DHRS3: variants seen among roughly 807,000 people sequenced by gnomAD.
DHRS3 encodes the protein dehydrogenase/reductase 3, also known as short-chain dehydrogenase/reductase 3.
Under a neutral mutation model 27.2 loss-of-function variants are expected in DHRS3, and 14 were observed. The ratio of observed to expected loss-of-function variants is 0.52; its 90% CI spans 0.34 to 0.81. The LOEUF is 0.81. Ranked by LOEUF, DHRS3 falls within the 30% of genes least tolerant of loss-of-function variation. The probability of loss-of-function intolerance (pLI) is 0.01; values close to 1 mark genes in which losing one functional copy is unlikely to be tolerated. For missense variants in DHRS3, 322 were observed against 406.2 expected (o/e 0.79, Z 1.78); for synonymous variants, 165 against 175.9 (o/e 0.94, Z 0.49).
chr1:12,607,311 C>T (rs905561686), intron 1 of DHRS3, among the ~76,000 whole-genome samples: 5 of 152,074 alleles, frequency 3.3e-5, no homozygotes, highest in African/African-American at 9.7e-5. Context: ...GCATTGTGTC[C>T]CCACCCAAAT....
intron 5 of DHRS3, chr1:12,569,980 A>G (rs1646521712): frequency 6.6e-6 from 1 of 152,226 alleles, no homozygotes; most frequent in Admixed American, 6.5e-5. Flanking sequence ...AAAACAAATG[A>G]TGGTTAGGTG....
intron 5 of DHRS3, 43 bp downstream of exon 5, chr1:12,572,685 C>G: frequency 6.4e-7 from 1 of 1,555,282 alleles, no homozygotes; most frequent in African/African-American, 1.4e-5. Context: ...AGATCACATG[C>G]GTACTTTCCC....
At position 12,618,035 on chromosome 1, in the gene DHRS3, G is replaced by C. The variant is rs935743612; in HGVS notation, c.-687C>G. The stretch of plus-strand genomic sequence containing the variant: ...CCGGGTGTCAGTTTCTTTACGTGCA[G>C]CGCTCGCCCTCGCGCGCGCTCGCTC... On this transcript the variant is annotated 5_prime_UTR_variant, in exon 1 of 6. Coordinates refer to ENST00000616661, the MANE Select transcript of DHRS3 (RefSeq NM_004753.7). This position sits in a 1 kb window ranked among gnomAD's most constrained non-coding sequence, Gnocchi z 4.2. 6.6e-6 allele frequency among the ~76,000 whole-genome samples: 1 copy of C among 152,042 alleles called. No individual in the cohort carries two copies. The highest frequency in any genetic ancestry group is 2.4e-5 in the African/African-American group (1 of 41,406).
At chr1:12,580,086 G>A (rs564544165) in intron 2 of DHRS3, 10 of 279,802 alleles carry the variant, frequency 3.6e-5, no homozygotes, top group African/African-American at 6.5e-5. Context: ...GGCACACACC[G>A]TACCTGGCAC....
At chr1:12,610,030 A>G (rs759951526) in intron 1 of DHRS3, among the ~76,000 whole-genome samples, 3 of 151,734 alleles carry the variant, frequency 2.0e-5, no homozygotes, top group Non-Finnish European at 4.4e-5. Flanking sequence ...TTCTTGCCTC[A>G]TTGGTTTTCT....
Position 12,608,961 on chromosome 1 carries a change from G to A in DHRS3, c.195+8193C>T, listed in dbSNP as rs958634538. ...CAGCCTGCTCCCTGGATACCTTCCA[G>A]TTGGTCAAGGGCCCTGTCAAAGTGC... On this transcript the variant is annotated intron_variant, in intron 1 of 5. Transcript: ENST00000616661. This position sits in a 1 kb window ranked among gnomAD's most constrained non-coding sequence, Gnocchi z 4.1. Among the ~76,000 whole-genome samples the A allele has an allele frequency of 1.3e-5, 2 of 152,216 alleles. No homozygotes were observed. Among genetic ancestry groups the A allele is most frequent in the Non-Finnish European group, 1.5e-5 (1 of 68,040 alleles).
chr1:12,594,470 T>C lies in DHRS3; in HGVS notation c.196-13804A>G, dbSNP rs1035273824. Among the ~76,000 whole-genome samples, 1 of 152,304 alleles carries C rather than the reference T, an allele frequency of 6.6e-6. No individual in the cohort carries two copies. Among genetic ancestry groups the C allele is most frequent in the Admixed American group, 6.5e-5 (1 of 15,302 alleles). On this transcript the variant is annotated intron_variant, in intron 1 of 5. Coordinates refer to ENST00000616661, the MANE Select transcript of DHRS3 (RefSeq NM_004753.7). This position sits in a 1 kb window ranked among gnomAD's most constrained non-coding sequence, Gnocchi z 4.1. ...AAGTAGTTTTCTAGCCACTAGAAAGTGCTAGATGTGCATGGGAGGAACACA... is the reference window on the plus strand; with the variant it reads ...AAGTAGTTTTCTAGCCACTAGAAAGCGCTAGATGTGCATGGGAGGAACACA...
At chr1:12,573,598 G>A (rs577282154) in intron 4 of DHRS3, among the ~76,000 whole-genome samples, 31 of 152,340 alleles carry the variant, frequency 2.0e-4, no homozygotes, top group African/African-American at 7.2e-4. Context: ...CATTCTGTCT[G>A]GAGGCAGGGG....
intron 1 of DHRS3, among the ~76,000 whole-genome samples, chr1:12,584,579 A>T (rs552485872): frequency 1.3e-5 from 2 of 151,882 alleles, no homozygotes; most frequent in South Asian, 4.2e-4. Flanking sequence ...AATGAATGAC[A>T]GTTCAGGTAC....
At chr1:12,596,602 A>C (rs1370202715) in intron 1 of DHRS3, among the ~76,000 whole-genome samples, 1 of 152,080 alleles carries the variant, frequency 6.6e-6, no homozygotes, top group Non-Finnish European at 1.5e-5. Context: ...CTCAGAGCTG[A>C]GAGCCTGCAC....
chr1:12,575,351 C>T (rs1186347286), intron 4 of DHRS3, among the ~76,000 whole-genome samples: 1 of 151,762 alleles, frequency 6.6e-6, no homozygotes, highest in Non-Finnish European at 1.5e-5. Context: ...AAAAGAGGCT[C>T]AATAAATAGC....
chr1:12,575,764 T>G (rs10864571), intron 4 of DHRS3, among the ~76,000 whole-genome samples: 1 of 151,876 alleles, frequency 6.6e-6, no homozygotes, highest in Admixed American at 6.6e-5. Context: ...TGGAGTGCAA[T>G]TGTGCAATCT....
rs187576027 is a variant in DHRS3 at position 12,578,113 on chromosome 1, C to A, written c.698+605G>T. Among the ~76,000 whole-genome samples the A allele has an allele frequency of 4.0e-5, 6 of 151,840 alleles. No individual in the cohort carries two copies. The East Asian group carries it at 1.2e-3, about 30-fold the overall frequency. ...GGCAGAATGCACCCTATGTCTCAAG[C>A]TCCCTTCGCCCTGCACGACGCTGTG... On this transcript the variant is annotated intron_variant, in intron 4 of 5. Transcript: ENST00000616661. The surrounding 1 kb of genome is among the most constrained non-coding windows in gnomAD (Gnocchi z 4.5).
At chr1:12,603,947 CCTGAGCCTGCAT>C (rs1407075721) in intron 1 of DHRS3, among the ~76,000 whole-genome samples, 1 of 152,186 alleles carries the variant, frequency 6.6e-6, no homozygotes, top group East Asian at 1.9e-4. Flanking sequence ...GAGCTCTCGC[CCTGAGCCTGCAT>C]CTGAGCCTGT....
intron 1 of DHRS3, among the ~76,000 whole-genome samples, chr1:12,610,296 G>A (rs924638220): frequency 2.0e-5 from 3 of 148,664 alleles, no homozygotes; most frequent in Non-Finnish European, 4.5e-5. Context: ...TCACCATGTT[G>A]GGTCAAGCTG....
At chr1:12,573,845 GA>G (rs1646562232) in intron 4 of DHRS3, among the ~76,000 whole-genome samples, 2 of 152,216 alleles carry the variant, frequency 1.3e-5, no homozygotes, top group African/African-American at 2.4e-5. Context: ...CTGATTTACA[GA>G]TAAGGAAACC....
At chr1:12,598,417 C>G (rs1646813288) in intron 1 of DHRS3, among the ~76,000 whole-genome samples, 1 of 152,174 alleles carries the variant, frequency 6.6e-6, no homozygotes, top group African/African-American at 2.4e-5. Context: ...CAGTACTCAT[C>G]ATAATTAGCA....
chr1:12,611,934 A>AAAATAAATAAATAAATAAATAAATAAAT (rs138133904), intron 1 of DHRS3, among the ~76,000 whole-genome samples: 232 of 144,820 alleles, frequency 1.6e-3, no homozygotes, highest in East Asian at 5.9e-3. Context: ...CTCTATTTTT[A>AAAATAAATAAATAAATAAATAAATAAAT]AAATAAATAA....
At chr1:12,601,424 G>C (rs1016052493) in intron 1 of DHRS3, among the ~76,000 whole-genome samples, 7 of 152,060 alleles carry the variant, frequency 4.6e-5, no homozygotes, top group African/African-American at 1.4e-4. Context: ...GAGCAGCAGG[G>C]GGCAGGTGTG....
Sources: gnomAD v4.1 joint callset for allele counts (sites outside exome capture counted in the v4.1 genomes callset) on GRCh38, gnomAD v4.1.1 for gene constraint, Gnocchi (gnomAD v3.1) non-coding constraint, MANE v1.5 for transcripts, NCBI Gene and HGNC (gene_info 2026-07-23, HGNC 2026-07-21) for gene names.